Variants in ANGPTL6 observed in about 807,000 individuals in gnomAD.
The protein encoded by ANGPTL6 is angiopoietin like 6.
In ANGPTL6, 45 loss-of-function variants were observed where a neutral mutation model predicts 47.4. That is an observed-to-expected ratio of 0.95 (90% confidence interval 0.75 to 1.22). The LOEUF is 1.22. Among genes scored for constraint, ANGPTL6 ranks in the 50% most tolerant of loss-of-function variants. The pLI, the probability that ANGPTL6 is intolerant of heterozygous loss-of-function variation, is 0.00. For synonymous variants in ANGPTL6, 290 were observed against 295.9 expected (o/e 0.98, Z 0.20); for missense variants, 698 against 669.4 (o/e 1.04, Z -0.47).
Position 10,097,418 on chromosome 19 carries a change from A to G in ANGPTL6, c.-10-845T>C, listed in dbSNP as rs564853925. 2.0e-5 allele frequency among the ~76,000 whole-genome samples: 3 copies of G among 152,254 alleles called. No homozygotes were observed. The East Asian group carries it at 5.8e-4, about 29-fold the overall frequency. ...AAAAAAAAGCAGTCACTAGGCACAA[A>G]TGTGTGCCAGCCCCCTTTCTAGGCA... On this transcript the variant is annotated intron_variant, in intron 1 of 5. Transcript: ENST00000253109.
chr19:10,094,769 G>A lies in ANGPTL6; in HGVS notation c.752C>T (p.Thr251Ile). The A allele has an allele frequency of 6.2e-7, 1 of 1,614,186 alleles. No individual in the cohort carries two copies. The highest frequency in any genetic ancestry group is 1.7e-5 in the Admixed American group (1 of 60,016). Residue 251 changes from threonine to isoleucine, a missense_variant, in exon 3 of 6, where the codon ACC becomes ATC. Thr to Ile is a moderately conservative substitution (Grantham distance 89, BLOSUM62 -1). Transcript: ENST00000253109. ...PMPAGHPAVP[T>I]KPVGPWQDCA... ...TAATGTCGACTTACCCACAGGCTTG[G>A]TGGGGACCGCAGGGTGACCTGCAGG...
intron 1 of ANGPTL6, among the ~76,000 whole-genome samples, chr19:10,101,811 A>C (rs1441671878): frequency 1.3e-5 from 2 of 148,252 alleles, no homozygotes; most frequent in Non-Finnish European, 3.0e-5. Context: ...GCTCAAAAAA[A>C]AAAAAAAAAA....
In ANGPTL6 at chr19:10,092,669, C is replaced by T. The variant is rs1366372112; in HGVS notation, c.1333G>A (p.Gly445Ser). The T allele has an allele frequency of 6.2e-7, 1 of 1,613,934 alleles. No individual in the cohort carries two copies. Among genetic ancestry groups the T allele is most frequent in the Non-Finnish European group, 8.5e-7 (1 of 1,179,942 alleles). Reference sequence around the variant, plus strand: ...CCACGAAACTCAGCCCAGTAGACACCATCCTGGTAGCGGCTTCGGTAGTGG... The same window carrying T: ...CCACGAAACTCAGCCCAGTAGACACTATCCTGGTAGCGGCTTCGGTAGTGG... ...GGHYRSRYQD[G>S]VYWAEFRGGA... The change falls in exon 6 of 6, where the codon GGT becomes AGT. Residue 445 changes from glycine (G) to serine (S), a missense_variant. Coordinates refer to ENST00000253109, the MANE Select transcript of ANGPTL6 (RefSeq NM_031917.3).
intron 3 of ANGPTL6, chr19:10,094,427 T>G (rs2088477136): frequency 3.0e-6 from 1 of 334,566 alleles, no homozygotes; most frequent in Non-Finnish European, 5.5e-6. Flanking sequence ...ATTACAGGCA[T>G]GAGCCATCGC....
chr19:10,095,269 G>A (rs1014848379), intron 2 of ANGPTL6, among the ~76,000 whole-genome samples: 23 of 152,184 alleles, frequency 1.5e-4, no homozygotes, highest in African/African-American at 5.1e-4. Flanking sequence ...AAAATTAACT[G>A]AGTGTGTTGG....
At chr19:10,104,527 A>G (rs1315916037), upstream of ANGPTL6, among the ~76,000 whole-genome samples, 1 of 152,226 alleles carries the variant, frequency 6.6e-6, no homozygotes, top group African/African-American at 2.4e-5. Context: ...AAAAACATTC[A>G]GGAATCAGAG....
At position 10,095,990 on chromosome 19, in the gene ANGPTL6, G is replaced by T; in HGVS notation, c.574C>A (p.Gln192Lys). 7.5e-7 allele frequency: 1 copy of T among 1,331,496 alleles called. No homozygotes were observed. The allele number at this position is 1,331,496 out of a possible 1,614,324, so 82.5% of individuals were successfully genotyped here. A position where few individuals can be genotyped will look rare whatever the true frequency, so the allele number is the denominator to read the frequency against. ...GGAGGCTGCGAGGTTACCTGCTGCT[G>T]CCCGCCCGCGCCTCCCGGGCACAGG... ...ERLCPGGAGG[Q>K]QQVLPPPPLV... is the part of the protein sequence containing the mutation. Residue 192 changes from glutamine to lysine, a missense_variant, in exon 2 of 6, where the codon CAG (glutamine) becomes AAG (lysine). By Grantham distance (53) the Gln-to-Lys change is moderately conservative. Transcript: ENST00000253109.
rs1482807762 is a variant in ANGPTL6 at position 10,093,448 on chromosome 19, G to A, written c.1123C>T (p.Leu375=). ...SLEPESDHYR[L]RLGQYHGDAG... ...TCACCATGGTACTGGCCAAGCCGCA[G>A]GCGGTAGTGGTCGCTCTCGGGTTCC... Residue 375 remains leucine (L), a synonymous_variant, in exon 5 of 6, where the codon CTG becomes TTG. Coordinates refer to ENST00000253109, the MANE Select transcript of ANGPTL6 (RefSeq NM_031917.3). 2 of 1,614,236 alleles carry A rather than the reference G, an allele frequency of 1.2e-6. No individual in the cohort carries two copies. Among genetic ancestry groups the A allele is most frequent in the South Asian group, 1.1e-5 (1 of 91,082 alleles).
intron 3 of ANGPTL6, chr19:10,094,480 TCTC>T: frequency 2.3e-6 from 1 of 439,104 alleles, no homozygotes; most frequent in Admixed American, 4.2e-5. Flanking sequence ...TTTTTTATGG[TCTC>T]CTCACCATAA....
At chr19:10,100,428 G>T (rs1447750693) in intron 1 of ANGPTL6, among the ~76,000 whole-genome samples, 1 of 152,054 alleles carries the variant, frequency 6.6e-6, no homozygotes, top group Admixed American at 6.6e-5. Flanking sequence ...TAGGGAGGGG[G>T]TCTCACTGTG....
At chr19:10,103,746 C>T (rs1599297128), upstream of ANGPTL6, among the ~76,000 whole-genome samples, 1 of 151,176 alleles carries the variant, frequency 6.6e-6, no homozygotes, top group Non-Finnish European at 1.5e-5. Flanking sequence ...GAAAACCCTA[C>T]CTCAGTTACA....
intron 3 of ANGPTL6, among the ~76,000 whole-genome samples, chr19:10,094,178 G>A (rs1051384967): frequency 1.3e-5 from 2 of 151,038 alleles, no homozygotes; most frequent in Non-Finnish European, 2.9e-5. Flanking sequence ...ATGGAGTCTC[G>A]CTCTGTCACT....
At position 10,102,656 on chromosome 19, in the gene ANGPTL6, G is replaced by A. The variant is rs2088711008; in HGVS notation, c.-99C>T. 2 of 984,884 alleles carry A rather than the reference G, an allele frequency of 2.0e-6. No individual in the cohort carries two copies. 61.0% of individuals were successfully genotyped at this position (984,884 alleles called of 1,614,324 possible). On this transcript the variant is annotated 5_prime_UTR_variant, in exon 1 of 6. Coordinates refer to ENST00000253109, the MANE Select transcript of ANGPTL6 (RefSeq NM_031917.3). ...GCCGAGGGTCCAGTGGGGCCTCTGAGCTAGAGACGGGGAGAGGGCAGTGGG... is the reference window on the plus strand; with the variant it reads ...GCCGAGGGTCCAGTGGGGCCTCTGAACTAGAGACGGGGAGAGGGCAGTGGG...
chr19:10,104,608 A>AATT (rs549940948), upstream of ANGPTL6, among the ~76,000 whole-genome samples: 19 of 152,260 alleles, frequency 1.2e-4, no homozygotes, highest in South Asian at 3.9e-3. Context: ...TATAACCATA[A>AATT]AGCTTGACTT....
intron 1 of ANGPTL6, 97 bp downstream of exon 1, chr19:10,102,471 T>TGGGGTGGC (rs2088706243): frequency 1.3e-6 from 1 of 778,706 alleles, no homozygotes; most frequent in Non-Finnish European, 1.6e-6. Flanking sequence ...ACTCTCAGCC[T>TGGGGTGGC]GGGGTGGCGG....
intron 1 of ANGPTL6, 76 bp from the exon 2 acceptor site, chr19:10,096,649 G>A: frequency 4.3e-6 from 5 of 1,175,700 alleles, no homozygotes; most frequent in Non-Finnish European, 4.5e-6. Context: ...ACGCGGGGAT[G>A]CGCGCGTCTA....
intron 1 of ANGPTL6, among the ~76,000 whole-genome samples, chr19:10,101,932 C>A (rs1488941881): frequency 1.4e-5 from 2 of 146,278 alleles, no homozygotes; most frequent in Admixed American, 1.4e-4. Context: ...AGTGAAATTC[C>A]GTCTCTACTA....
intron 1 of ANGPTL6, 47 bp from the exon 2 acceptor site, chr19:10,096,620 G>A (rs1304610944): frequency 1.5e-6 from 2 of 1,365,682 alleles, no homozygotes; most frequent in Non-Finnish European, 1.9e-6. Flanking sequence ...CTGGGGCCCA[G>A]CGAGACCCCT....
chr19:10,096,393 G>T lies in ANGPTL6; in HGVS notation c.171C>A (p.Ala57=). The T allele has an allele frequency of 2.3e-6, 3 of 1,304,658 alleles. No homozygotes were observed. The highest frequency in any genetic ancestry group is 6.2e-5 in the East Asian group (2 of 32,110). The allele number at this position is 1,304,658 out of a possible 1,614,324, so 80.8% of individuals were successfully genotyped here. A position where few individuals can be genotyped will look rare whatever the true frequency, so the allele number is the denominator to read the frequency against. The change falls in exon 2 of 6, where the codon GCC becomes GCA. Residue 57 remains alanine (A), a synonymous_variant. Transcript: ENST00000253109. ...GCAGCGCCGCCAGCTCGCTGGCGTT[G>T]GCGGCCTCGGGCGTCGCCCGCGTGG... ...PASTRATPEA[A]NASELAALRM...
Sources: allele counts gnomAD v4.1 joint callset (sites outside exome capture counted in the v4.1 genomes callset), GRCh38; gene constraint gnomAD v4.1.1; transcripts MANE v1.5; gene names NCBI Gene and HGNC (gene_info 2026-07-23, HGNC 2026-07-21).